FAT3: variants seen among roughly 807,000 people sequenced by gnomAD.
The protein encoded by FAT3 is protocadherin Fat 3.
In FAT3, 95 loss-of-function variants were observed where a neutral mutation model predicts 310.2. The observed-to-expected ratio is 0.31, with a 90% CI of 0.26 to 0.36. The LOEUF (loss-of-function observed/expected upper bound fraction) is 0.36. Ranked by LOEUF, FAT3 falls within the 10% of genes least tolerant of loss-of-function variation. FAT3 has a pLI of 1.00. For synonymous variants in FAT3, 2,314 were observed against 2,192.9 expected (o/e 1.06, Z -1.54); for missense variants, 5,408 against 5,715.6 (o/e 0.95, Z 1.74).
chr11:92,298,440 G>C (rs1446390844), intron 1 of FAT3, among the ~76,000 whole-genome samples: 2 of 152,022 alleles, frequency 1.3e-5, no homozygotes, highest in Non-Finnish European at 2.9e-5. Context: ...GTTTCCCTAT[G>C]TACAGTCACA....
In FAT3 at chr11:92,890,615, C is replaced by G. The variant is rs759657516; in HGVS notation, c.13272C>G (p.Ser4424Arg). The change falls in exon 28 of 28, where the codon AGC becomes AGG. Residue 4424 changes from serine (S) to arginine (R), a missense_variant. By Grantham distance (110) the Ser-to-Arg change is moderately radical (BLOSUM62 -1). This residue lies in a region of FAT3 where 649 missense variants were observed against 666.2 expected (regional missense o/e 0.97). Transcript: ENST00000525166. ...AHQGSTRELE[S>R]DYYLGGYDID... ...AGGGGAGCACACGGGAGCTGGAGAG[C>G]GATTACTACCTGGGTGGTTATGACA... 1 of 1,613,668 alleles carries G rather than the reference C, an allele frequency of 6.2e-7. No individual in the cohort carries two copies. The highest frequency in any genetic ancestry group is 8.5e-7 in the Non-Finnish European group (1 of 1,179,854).
chr11:92,521,126 T>A (rs936879241), intron 2 of FAT3, among the ~76,000 whole-genome samples: 1 of 152,062 alleles, frequency 6.6e-6, no homozygotes, highest in Non-Finnish European at 1.5e-5. Flanking sequence ...CAAATCTCTA[T>A]ATGAAAGTGC....
intron 3 of FAT3, among the ~76,000 whole-genome samples, chr11:92,653,335 G>A (rs565187302): frequency 6.6e-6 from 1 of 152,204 alleles, no homozygotes; most frequent in African/African-American, 2.4e-5. Context: ...TCTGTGTCCT[G>A]GTGGCACTTT....
intron 4 of FAT3, among the ~76,000 whole-genome samples, chr11:92,739,547 A>G (rs145006812): frequency 3.0e-4 from 45 of 152,352 alleles, no homozygotes; most frequent in African/African-American, 9.6e-4. Context: ...TTCGCAGAAC[A>G]TTCTCTACAT....
chr11:92,461,513 T>A (rs1169926447), intron 2 of FAT3, among the ~76,000 whole-genome samples: 6 of 151,958 alleles, frequency 3.9e-5, no homozygotes, highest in African/African-American at 1.5e-4. Context: ...CAAGGGTGGG[T>A]ATGGTGATGA....
At chr11:92,667,437 C>A (rs1942990762) in intron 3 of FAT3, among the ~76,000 whole-genome samples, 1 of 152,112 alleles carries the variant, frequency 6.6e-6, no homozygotes, top group Non-Finnish European at 1.5e-5. Flanking sequence ...ACCAAGAGAA[C>A]ATCACCACAC....
chr11:92,478,934 CTCTT>C lies in FAT3; in HGVS notation c.3293-45682_3293-45679del, dbSNP rs199741658. On this transcript the variant is annotated intron_variant, in intron 2 of 27. Coordinates refer to ENST00000525166, the MANE Select transcript of FAT3 (RefSeq NM_001367949.2). ...CCTGGCTGGCTTTCTTTCTTTCCTT[CTCTT>C]TCTTTCTTTCTTTCTTTTCTTTTCT... is the stretch of plus-strand genomic sequence containing the variant. Among the ~76,000 whole-genome samples, 505 of 114,510 alleles carry C rather than the reference CTCTT, an allele frequency of 4.4e-3. 14 individuals carry two copies. Among genetic ancestry groups the C allele is most frequent in the African/African-American group, 0.015 (441 of 29,890 alleles). The allele number at this position is 114,510 out of a possible 152,430, so 75.1% of individuals were successfully genotyped here.
At chr11:92,887,172 C>T in intron 25 of FAT3, 59 bp downstream of exon 25, 1 of 1,454,244 alleles carries the variant, frequency 6.9e-7, no homozygotes. Flanking sequence ...TCTGGAAGAC[C>T]ATGGTTGGGA....
intron 2 of FAT3, among the ~76,000 whole-genome samples, chr11:92,402,195 A>G (rs1950030635): frequency 6.6e-6 from 1 of 152,234 alleles, no homozygotes; most frequent in South Asian, 2.1e-4. Context: ...CAATAATGGA[A>G]ATAAAGAATG....
chr11:92,649,526 T>C (rs1429613810), intron 3 of FAT3, among the ~76,000 whole-genome samples: 1 of 152,176 alleles, frequency 6.6e-6, no homozygotes, highest in African/African-American at 2.4e-5. Context: ...TTCCTTATCA[T>C]GTTGCCAGTG....
rs1417707755 is a variant in FAT3, at chr11:92,312,413, A to G, written c.-17-39683A>G. On this transcript the variant is annotated intron_variant, in intron 1 of 27. Transcript: ENST00000525166. ...CTCCCTCTATTCTTCCTACATGTAT[A>G]TTAAGGAAAATGGGGCTTCTTTTGC... Among the ~76,000 whole-genome samples, 5 of 152,134 alleles carry G rather than the reference A, an allele frequency of 3.3e-5. No homozygotes were observed. In the East Asian group the frequency reaches 9.7e-4, roughly 29 times the overall value.
chr11:92,469,056 C>T (rs1951843163), intron 2 of FAT3, among the ~76,000 whole-genome samples: 1 of 152,180 alleles, frequency 6.6e-6, no homozygotes, highest in East Asian at 1.9e-4. Context: ...CATAATTTCT[C>T]AGCATGGGTT....
At chr11:92,555,448 C>T (rs2135452555) in intron 3 of FAT3, among the ~76,000 whole-genome samples, 1 of 152,238 alleles carries the variant, frequency 6.6e-6, no homozygotes, top group African/African-American at 2.4e-5. Context: ...TTTATTAAGC[C>T]AAGTGCCCTC....
chr11:92,721,461 G>GGTGAAGGAATGAAATAATGGATTA (rs1285209079), intron 4 of FAT3, among the ~76,000 whole-genome samples: 3 of 152,084 alleles, frequency 2.0e-5, no homozygotes, highest in Non-Finnish European at 4.4e-5. Flanking sequence ...GCTCTGTCCT[G>GGTGAAGGAATGAAATAATGGATTA]GTGAAGGAAT....
intron 1 of FAT3, among the ~76,000 whole-genome samples, chr11:92,290,422 T>C (rs1946660763): frequency 1.3e-5 from 2 of 152,132 alleles, no homozygotes; most frequent in Non-Finnish European, 2.9e-5. Flanking sequence ...CACAATCTGC[T>C]TTTTCATGGC....
chr11:92,416,682 C>A (rs1950422329), intron 2 of FAT3, among the ~76,000 whole-genome samples: 1 of 152,156 alleles, frequency 6.6e-6, no homozygotes, highest in Admixed American at 6.5e-5. Flanking sequence ...AAATAGAAAG[C>A]CAGTCCTTGG....
At chr11:92,500,008 A>G (rs2135269147) in intron 2 of FAT3, among the ~76,000 whole-genome samples, 2 of 152,178 alleles carry the variant, frequency 1.3e-5, no homozygotes, top group Non-Finnish European at 1.5e-5. Flanking sequence ...GCAATATGCT[A>G]GTGATAGTAA....
Position 92,267,554 on chromosome 11 carries a change from G to T in FAT3, c.-18+42380G>T, listed in dbSNP as rs183732465. Among the ~76,000 whole-genome samples, 10 of 151,020 alleles carry T rather than the reference G, an allele frequency of 6.6e-5. No homozygotes were observed. The East Asian group carries it at 2.0e-3, about 30-fold the overall frequency. ...GCTTTTAGAAGGGAGCAGCTCCAGGGTTTGGAAGTATGAAAAGAAAAAAAA... is the reference window on the plus strand; with the variant it reads ...GCTTTTAGAAGGGAGCAGCTCCAGGTTTTGGAAGTATGAAAAGAAAAAAAA... On this transcript the variant is annotated intron_variant, in intron 1 of 27. Coordinates refer to ENST00000525166, the MANE Select transcript of FAT3 (RefSeq NM_001367949.2).
At chr11:92,280,559 G>T (rs557490637) in intron 1 of FAT3, among the ~76,000 whole-genome samples, 1 of 152,272 alleles carries the variant, frequency 6.6e-6, no homozygotes, top group East Asian at 1.9e-4. Flanking sequence ...TTTTCTGCCA[G>T]CTGCAGCTAT....
Sources: gnomAD v4.1 joint callset for allele counts (sites outside exome capture counted in the v4.1 genomes callset) on GRCh38, gnomAD v4.1.1 for gene constraint, gnomAD v4.1.1 regional missense constraint, MANE v1.5 for transcripts, NCBI Gene and HGNC (gene_info 2026-07-23, HGNC 2026-07-21) for gene names.